PDE4C: variants seen among roughly 807,000 people sequenced by gnomAD.
The protein encoded by PDE4C is phosphodiesterase 4C.
In PDE4C, 50 loss-of-function variants were observed where a neutral mutation model predicts 63.9. The observed-to-expected ratio is 0.78, with a 90% confidence interval of 0.62 to 0.99. PDE4C has a LOEUF of 0.99. PDE4C is among the 50% of genes least tolerant of loss of function. The probability of loss-of-function intolerance (pLI) is 0.00; values close to 1 mark genes in which losing one functional copy is unlikely to be tolerated. For synonymous variants in PDE4C, 377 were observed against 385.1 expected (o/e 0.98, Z 0.25); for missense variants, 777 against 899.1 (o/e 0.86, Z 1.74).
At chr19:18,247,905 C>T (rs912715407) in intron 1 of PDE4C, among the ~76,000 whole-genome samples, 1 of 152,144 alleles carries the variant, frequency 6.6e-6, no homozygotes, top group Admixed American at 6.5e-5. Context: ...GACACCCGCC[C>T]GGACCTTGCA....
chr19:18,213,971 C>A (rs1968082734), intron 12 of PDE4C, among the ~76,000 whole-genome samples: 1 of 152,190 alleles, frequency 6.6e-6, no homozygotes, highest in Admixed American at 6.6e-5. Flanking sequence ...AAATAACCCA[C>A]CCTCAGGCTG....
upstream of PDE4C, among the ~76,000 whole-genome samples, chr19:18,229,102 A>ATTTTTTTTTTTTTTTTT: frequency 8.0e-6 from 1 of 124,552 alleles, no homozygotes; most frequent in Non-Finnish European, 1.6e-5. Context: ...TGCCAAGCTA[A>ATTTTTTTTTTTTTTTTT]TTTTTTTTTT....
intron 12 of PDE4C, among the ~76,000 whole-genome samples, chr19:18,214,485 T>C (rs556666207): frequency 1.4e-5 from 2 of 147,816 alleles, no homozygotes; most frequent in South Asian, 2.2e-4. Context: ...GGAGGTGAGA[T>C]TGAAGAGACT....
chr19:18,219,537 CT>C (rs1485898954), intron 7 of PDE4C, 140 bp from the exon 8 acceptor site: 1 of 976,464 alleles, frequency 1.0e-6, no homozygotes, highest in Non-Finnish European at 1.5e-6. Flanking sequence ...AGTAAAGACC[CT>C]GTCGGCCGGA....
chr19:18,242,122 GC>G (rs1969052053), intron 1 of PDE4C, among the ~76,000 whole-genome samples: 1 of 152,090 alleles, frequency 6.6e-6, no homozygotes, highest in African/African-American at 2.4e-5. Flanking sequence ...AGCATACCAG[GC>G]AGAAGGAACA....
intron 1 of PDE4C, among the ~76,000 whole-genome samples, chr19:18,224,886 A>G (rs1968659726): frequency 6.6e-6 from 1 of 152,168 alleles, no homozygotes; most frequent in East Asian, 1.9e-4. Flanking sequence ...GCGGCGGATA[A>G]CCCAGATCTG....
At chr19:18,237,417 G>A (rs1968969889), upstream of PDE4C, among the ~76,000 whole-genome samples, 1 of 152,056 alleles carries the variant, frequency 6.6e-6, no homozygotes. Context: ...CAGGCGTGGT[G>A]GTGCATGCCT....
chr19:18,245,074 A>G (rs1232894209), intron 1 of PDE4C, among the ~76,000 whole-genome samples: 2 of 151,962 alleles, frequency 1.3e-5, no homozygotes, highest in Non-Finnish European at 2.9e-5. Flanking sequence ...TGACCTCATG[A>G]TCCGCCAGTT....
At chr19:18,218,975 G>T in exon 9 of PDE4C, 1 of 1,613,514 alleles carries the variant, frequency 6.2e-7, no homozygotes, top group Non-Finnish European at 8.5e-7. Context: ...GTGAGGGGCC[G>T]GTTCCCACTT....
rs151012513 is a variant in PDE4C, at chr19:18,218,153, G to C, written c.1230C>G (p.Asn410Lys). ...CCACTTCCCACTCCTACTTACTGGT[G>C]TTAATCAGAAACTGGTTGGAGACCC... The change falls in exon 11 of 15, where the codon AAC (asparagine) becomes AAG (lysine). Residue 410 changes from asparagine to lysine, a missense_variant. Physicochemically the swap from Asn to Lys is moderately conservative, Grantham distance 94. Coordinates refer to ENST00000262805, the Ensembl canonical transcript of PDE4C. The C allele has an allele frequency of 4.3e-5, 70 of 1,612,618 alleles. No homozygotes were observed. In the African/African-American group the frequency reaches 8.3e-4, roughly 19 times the overall value.
chr19:18,232,998 G>T (rs939929358), exon 1 of PDE4C: 5 of 1,511,246 alleles, frequency 3.3e-6, no homozygotes, highest in Non-Finnish European at 4.4e-6. Flanking sequence ...CCTGAGCTCC[G>T]GCCGCGGGCT....
intron 13 of PDE4C, among the ~76,000 whole-genome samples, chr19:18,212,216 C>G (rs886469765): frequency 6.6e-6 from 1 of 151,390 alleles, no homozygotes; most frequent in Non-Finnish European, 1.5e-5. Flanking sequence ...TAGGGTCTCA[C>G]GCTGTGACCC....
rs992136383 is a variant in PDE4C at position 18,233,615 on chromosome 19, C to T, written c.-424G>A. The T allele has an allele frequency of 2.0e-5, 9 of 442,848 alleles. No homozygotes were observed. The East Asian group carries it at 4.1e-4, about 20-fold the overall frequency. The allele number at this position is 442,848 out of a possible 1,614,324, so 27.4% of individuals were successfully genotyped here. A position where few individuals can be genotyped will look rare whatever the true frequency, so the allele number is the denominator to read the frequency against. ...GGCAGGGAGACAGGGTCTCAGGAGA[C>T]CCCCGGGGCCGAGACGGTGTCCCTC... is the stretch of plus-strand genomic sequence containing the variant. On this transcript the variant is annotated 5_prime_UTR_variant, in exon 1 of 15. Coordinates refer to the PDE4C transcript ENST00000594465.
In PDE4C at chr19:18,241,255, G is replaced by GT. The variant is rs200717537; in HGVS notation, c.-210+6915dup. On this transcript the variant is annotated intron_variant, in intron 1 of 15. Transcript: ENST00000594617. Reference sequence around the variant, plus strand: ...TTCTTTCTTTCTTTTTTCTTCTCTTGTTTTTTTTTTTTTTTTTTTTTTTTT... The same window carrying GT: ...TTCTTTCTTTCTTTTTTCTTCTCTTGTTTTTTTTTTTTTTTTTTTTTTTTTT... Among the ~76,000 whole-genome samples, 62 of 78,514 alleles carry GT rather than the reference G, an allele frequency of 7.9e-4. 4 individuals are homozygous for GT. The highest frequency in any genetic ancestry group is 1.4e-3 in the African/African-American group (29 of 20,166). 51.5% of individuals were successfully genotyped at this position (78,514 alleles called of 152,430 possible). A position where few individuals can be genotyped will look rare whatever the true frequency, so the allele number is the denominator to read the frequency against.
the PDE4C span, chr19:18,255,102 T>C: frequency 0.028 from 11,016 of 394,016 alleles, 1,075 homozygotes; most frequent in African/African-American, 0.2. This position sits in a 1 kb window ranked among gnomAD's most constrained non-coding sequence, Gnocchi z 4.6. Context: ...CCTCGGAGGG[T>C]TGGCGGACCA....
chr19:18,250,933 C>T (rs1969222491), upstream of PDE4C, among the ~76,000 whole-genome samples: 2 of 151,950 alleles, frequency 1.3e-5, no homozygotes, highest in Admixed American at 6.6e-5. Flanking sequence ...GCCACCACAC[C>T]CAGCTAATTT....
upstream of PDE4C, chr19:18,248,277 AC>A (rs573365275): frequency 2.5e-4 from 113 of 453,342 alleles, 2 homozygotes; most frequent in South Asian, 1.7e-3. Context: ...CTCAACACCC[AC>A]TCAGCGGAGC....
At chr19:18,218,291 G>A (rs376275979) in intron 10 of PDE4C, 43 bp from the exon 11 acceptor site, 1 of 1,613,172 alleles carries the variant, frequency 6.2e-7, no homozygotes, top group Admixed American at 1.7e-5. Context: ...CGGGTTCTCT[G>A]GGCCCTGCAC....
chr19:18,232,907 C>G, intron 1 of PDE4C: 1 of 1,420,544 alleles, frequency 7.0e-7, no homozygotes, highest in Non-Finnish European at 9.2e-7. Flanking sequence ...GCCCCGCGCG[C>G]CCCTCCCCCG....
Sources: gnomAD v4.1 joint callset for allele counts (sites outside exome capture counted in the v4.1 genomes callset) on GRCh38, gnomAD v4.1.1 for gene constraint, Gnocchi (gnomAD v3.1) non-coding constraint, MANE v1.5 for transcripts, NCBI Gene and HGNC (gene_info 2026-07-23, HGNC 2026-07-21) for gene names.